Variants in PIAS2 observed in about 807,000 individuals in gnomAD.
The protein encoded by PIAS2 is protein inhibitor of activated STAT 2, also known as E3 SUMO-protein ligase PIAS2.
PIAS2 carries 19 observed loss-of-function variants against 69.7 expected under a neutral mutation model. The observed-to-expected ratio is 0.27, with a 90% CI of 0.19 to 0.40. The LOEUF is 0.40. PIAS2 is among the 10% of genes least tolerant of loss of function. PIAS2 has a pLI of 1.00. For missense variants in PIAS2, 624 were observed against 757.0 expected (o/e 0.82, Z 2.06); for synonymous variants, 261 against 263.2 (o/e 0.99, Z 0.08).
At chr18:46,912,976 C>T (rs142910995) in intron 1 of PIAS2, among the ~76,000 whole-genome samples, 19 of 152,310 alleles carry the variant, frequency 1.2e-4, no homozygotes, top group Non-Finnish European at 1.6e-4. Context: ...TGAGCCACTG[C>T]GCCCAGCCTA....
intron 1 of PIAS2, among the ~76,000 whole-genome samples, chr18:46,904,886 T>C (rs896386703): frequency 6.6e-6 from 1 of 152,132 alleles, no homozygotes; most frequent in Admixed American, 6.5e-5. Context: ...TTCTTTCATG[T>C]GCTAGTAATA....
At position 46,821,394 on chromosome 18, in the gene PIAS2, T is replaced by C. The variant is rs563991992; in HGVS notation, c.1509-322A>G. On this transcript the variant is annotated intron_variant, in intron 11 of 13. Transcript: ENST00000585916. ...CACTTTTATTAATATGTATGTAATA[T>C]GTATATGGGTATCAGTAATTTTATC... 7.2e-5 allele frequency among the ~76,000 whole-genome samples: 11 copies of C among 152,276 alleles called. No individual in the cohort carries two copies. The East Asian group carries it at 1.5e-3, about 21-fold the overall frequency.
intron 6 of PIAS2, 199 bp from the exon 7 acceptor site, chr18:46,845,038 T>C (rs1369486712): frequency 2.8e-6 from 1 of 356,876 alleles, no homozygotes; most frequent in Non-Finnish European, 5.0e-6. Flanking sequence ...TTTAAAGGTA[T>C]TTCTTGATCA....
At chr18:46,886,414 T>A (rs1033116921) in intron 2 of PIAS2, among the ~76,000 whole-genome samples, 7 of 152,152 alleles carry the variant, frequency 4.6e-5, no homozygotes, top group African/African-American at 1.7e-4. Flanking sequence ...CCAAATGCCA[T>A]GATAAAGGAG....
At chr18:46,917,552 C>G (rs1368507492), upstream of PIAS2, 6 of 1,124,130 alleles carry the variant, frequency 5.3e-6, no homozygotes, top group Non-Finnish European at 6.5e-6. Context: ...AGCCCCGCCC[C>G]TAGCGGTGCC....
chr18:46,847,068 T>C (rs2046260236), intron 5 of PIAS2, among the ~76,000 whole-genome samples: 2 of 152,208 alleles, frequency 1.3e-5, no homozygotes, highest in South Asian at 4.1e-4. Context: ...AAAATCCATG[T>C]TCCAACATTA....
intron 1 of PIAS2, chr18:46,907,753 T>C (rs1425381224): frequency 6.6e-6 from 1 of 152,090 alleles, no homozygotes; most frequent in Non-Finnish European, 1.5e-5. Flanking sequence ...AACCCACATA[T>C]ACAGAGGGCC....
rs957534598 is a variant in PIAS2, at chr18:46,851,457, T to C, written c.726+3888A>G. On this transcript the variant is annotated intron_variant, in intron 5 of 13. Coordinates refer to ENST00000585916, the MANE Select transcript of PIAS2 (RefSeq NM_004671.5). ...CCTAAACAAAGAGGGCCTTTTTCTT[T>C]CTTCTGCCCATTAAAAACATGGAAT... Among the ~76,000 whole-genome samples the C allele has an allele frequency of 4.6e-5, 7 of 152,340 alleles. No individual in the cohort carries two copies. The East Asian group carries it at 1.4e-3, about 29-fold the overall frequency.
chr18:46,846,561 C>T (rs1006229192), intron 6 of PIAS2, 146 bp downstream of exon 6: 2 of 677,320 alleles, frequency 3.0e-6, no homozygotes, highest in Non-Finnish European at 2.3e-6. Flanking sequence ...AATCTCCACA[C>T]TGCCACCTCT....
intron 9 of PIAS2, among the ~76,000 whole-genome samples, chr18:46,833,593 T>TTG (rs1568420483): frequency 6.6e-6 from 1 of 152,144 alleles, no homozygotes; most frequent in Non-Finnish European, 1.5e-5. Flanking sequence ...ATAATGTAAA[T>TTG]CAAAACCCAA....
chr18:46,889,777 C>T (rs932779650), intron 2 of PIAS2, among the ~76,000 whole-genome samples: 2 of 152,166 alleles, frequency 1.3e-5, no homozygotes, highest in Non-Finnish European at 2.9e-5. Flanking sequence ...CGTGTATACC[C>T]GTGTCCACAG....
intron 2 of PIAS2, among the ~76,000 whole-genome samples, chr18:46,888,309 T>G (rs935309895): frequency 1.3e-5 from 2 of 151,848 alleles, no homozygotes; most frequent in African/African-American, 4.8e-5. Flanking sequence ...TGCTAAGATA[T>G]CAATACTACC....
chr18:46,829,807 A>G lies in PIAS2; in HGVS notation c.1263T>C (p.Asp421=). ...SDVDEIKFQE[D]GSWCPMRPKK... ...TCGGTCTCATTGGACACCAAGAACCATCTTCTTGGAATTTGATCTCATCTA... is the reference window on the plus strand; with the variant it reads ...TCGGTCTCATTGGACACCAAGAACCGTCTTCTTGGAATTTGATCTCATCTA... The change falls in exon 10 of 14, where the codon GAT becomes GAC. Residue 421 remains aspartate (D), a synonymous_variant. Transcript: ENST00000585916. 1 of 1,611,476 alleles carries G rather than the reference A, an allele frequency of 6.2e-7. No homozygotes were observed. The highest frequency in any genetic ancestry group is 8.5e-7 in the Non-Finnish European group (1 of 1,177,674).
intron 12 of PIAS2, chr18:46,817,953 T>C (rs1318868249): frequency 2.0e-6 from 2 of 984,494 alleles, no homozygotes; most frequent in African/African-American, 3.5e-5. Context: ...TGTTTCTTAT[T>C]TCACCATAAG....
At position 46,821,063 on chromosome 18, in the gene PIAS2, C is replaced by T. The variant is rs768783000; in HGVS notation, c.1518G>A (p.Met506Ile). The change falls in exon 12 of 14, where the codon ATG (methionine) becomes ATA (isoleucine). Residue 506 changes from methionine (M) to isoleucine (I), a missense_variant. By Grantham distance (10) the Met-to-Ile change is conservative (BLOSUM62 1). Around this residue, in one of 3 missense-constraint regions of PIAS2, gnomAD observed 241 missense variants for 257.3 expected, o/e 0.94. Coordinates refer to ENST00000585916, the MANE Select transcript of PIAS2 (RefSeq NM_004671.5). ...TQSSPTKGVL[M>I]YQPSSVRVPS... is the part of the protein sequence containing the mutation. Reference sequence around the variant, plus strand: ...GCACCCTTACAGAAGATGGCTGATACATGAGAACCCTGTTTTAAATAGCAC... The same window carrying T: ...GCACCCTTACAGAAGATGGCTGATATATGAGAACCCTGTTTTAAATAGCAC... 1.6e-5 allele frequency: 26 copies of T among 1,613,004 alleles called. No individual in the cohort carries two copies. The Admixed American group carries it at 3.7e-4, about 23-fold the overall frequency.
intron 1 of PIAS2, among the ~76,000 whole-genome samples, chr18:46,911,397 G>A (rs754417593): frequency 2.0e-5 from 3 of 151,874 alleles, no homozygotes; most frequent in African/African-American, 4.8e-5. Flanking sequence ...TGCATTTTTA[G>A]TAGAGACGGG....
chr18:46,877,992 A>C (rs543089360), intron 2 of PIAS2, among the ~76,000 whole-genome samples: 9 of 152,332 alleles, frequency 5.9e-5, no homozygotes, highest in African/African-American at 1.9e-4. Context: ...AATTCCAAGT[A>C]TTCAGATTCA....
In PIAS2 at chr18:46,891,022, T is replaced by C. The variant is rs774727874; in HGVS notation, c.57A>G (p.Leu19=). 1.2e-6 allele frequency: 2 copies of C among 1,605,830 alleles called. No individual in the cohort carries two copies. The highest frequency in any genetic ancestry group is 2.2e-5 in the East Asian group (1 of 44,756). Residue 19 remains leucine (L), a synonymous_variant, in exon 2 of 14, where the codon CTA becomes CTG. Coordinates refer to ENST00000585916, the MANE Select transcript of PIAS2 (RefSeq NM_004671.5). The stretch of plus-strand genomic sequence containing the variant: ...GTCCAGCAAAGCCTAGTAATACTTG[T>C]AGTTCAGAAACCCTAAAACTAGAAA... The part of the protein sequence containing the change: ...NMVSSFRVSE[L]QVLLGFAGRN...
intron 6 of PIAS2, 135 bp downstream of exon 6, chr18:46,846,572 A>C: frequency 1.2e-6 from 1 of 854,372 alleles, no homozygotes; most frequent in Admixed American, 2.9e-5. Context: ...TGCCACCTCT[A>C]AACTGAAAAT....
Sources: allele counts gnomAD v4.1 joint callset (sites outside exome capture counted in the v4.1 genomes callset), GRCh38; gene constraint gnomAD v4.1.1; regional missense constraint gnomAD v4.1.1; transcripts MANE v1.5; gene names NCBI Gene and HGNC (gene_info 2026-07-23, HGNC 2026-07-21).